The following MAN2A1 variants were observed in gnomAD, a reference collection of about 807,000 sequenced individuals.
MAN2A1 encodes the protein alpha-mannosidase 2.
MAN2A1 carries 76 observed loss-of-function variants against 142.6 expected under a neutral mutation model. That is an observed-to-expected ratio of 0.53 (90% confidence interval 0.44 to 0.65). The LOEUF (loss-of-function observed/expected upper bound fraction) is 0.65, where lower values mean the gene tolerates loss of function less well. MAN2A1 is among the 30% of genes least tolerant of loss of function. The pLI is 0.00. For synonymous variants in MAN2A1, 559 were observed against 473.2 expected (o/e 1.18, Z -2.35); for missense variants, 1,311 against 1,365.1 (o/e 0.96, Z 0.62).
intron 12 of MAN2A1, among the ~76,000 whole-genome samples, chr5:109,809,793 G>T (rs1754269113): frequency 6.6e-6 from 1 of 152,032 alleles, no homozygotes. Flanking sequence ...GAAATTCTCA[G>T]CTATTCAGGT....
intron 12 of MAN2A1, among the ~76,000 whole-genome samples, chr5:109,815,877 G>A (rs1015141530): frequency 3.3e-5 from 5 of 152,164 alleles, no homozygotes; most frequent in African/African-American, 1.2e-4. Context: ...TTACAAAATT[G>A]TATAGGAAAA....
intron 19 of MAN2A1, among the ~76,000 whole-genome samples, chr5:109,853,008 A>C (rs946398851): frequency 7.2e-5 from 11 of 152,166 alleles, no homozygotes; most frequent in African/African-American, 2.4e-4. Flanking sequence ...AGTGAACCAC[A>C]ACTCTTCTAT....
At chr5:109,815,138 C>G (rs1353102549) in intron 12 of MAN2A1, among the ~76,000 whole-genome samples, 1 of 152,096 alleles carries the variant, frequency 6.6e-6, no homozygotes, top group African/African-American at 2.4e-5. Flanking sequence ...CCCATTGCAC[C>G]TTAGAAATAT....
chr5:109,792,345 C>T (rs1411587170), intron 12 of MAN2A1, among the ~76,000 whole-genome samples: 1 of 151,976 alleles, frequency 6.6e-6, no homozygotes, highest in Non-Finnish European at 1.5e-5. Context: ...TGCATCTTCT[C>T]TTTTCCTGTT....
chr5:109,735,584 GT>G (rs1367949799), intron 4 of MAN2A1, among the ~76,000 whole-genome samples: 1 of 152,072 alleles, frequency 6.6e-6, no homozygotes, highest in Non-Finnish European at 1.5e-5. Flanking sequence ...GATGAACCCG[GT>G]ACCTCAGATG....
intron 16 of MAN2A1, among the ~76,000 whole-genome samples, chr5:109,833,342 G>C (rs549371685): frequency 1.2e-4 from 18 of 152,222 alleles, no homozygotes; most frequent in South Asian, 1.0e-3. Flanking sequence ...AGGTTGTAGC[G>C]AGCCGAGATC....
intron 1 of MAN2A1, among the ~76,000 whole-genome samples, chr5:109,702,968 C>T (rs1751031461): frequency 6.6e-6 from 1 of 152,092 alleles, no homozygotes; most frequent in Non-Finnish European, 1.5e-5. Flanking sequence ...TATAATAATT[C>T]AGATGAGACT....
intron 1 of MAN2A1, among the ~76,000 whole-genome samples, chr5:109,697,531 CT>C (rs535441317): frequency 1.4e-3 from 212 of 152,278 alleles, no homozygotes; most frequent in African/African-American, 5.0e-3. Flanking sequence ...TGCCACCTGT[CT>C]TTATAGGGCC....
intron 19 of MAN2A1, among the ~76,000 whole-genome samples, chr5:109,852,447 T>G (rs773059089): frequency 6.6e-6 from 1 of 152,204 alleles, no homozygotes; most frequent in Non-Finnish European, 1.5e-5. Flanking sequence ...TAAAAAATGG[T>G]CTCTTACTAT....
At position 109,699,800 on chromosome 5, in the gene MAN2A1, G is replaced by T. The variant is rs950921774; in HGVS notation, c.135+9248G>T. On this transcript the variant is annotated intron_variant, in intron 1 of 21. Transcript: ENST00000261483. ...CGAATCAACCCTGGCGATCAATGGG[G>T]TGACAGATTTCGCAGCCAGATCGCC... The T allele has an allele frequency of 5.7e-4, 89 of 157,424 alleles. 1 individual carries two copies. Among genetic ancestry groups the T allele is most frequent in the Non-Finnish European group, 2.8e-4 (19 of 68,118 alleles). The allele number at this position is 157,424 out of a possible 1,614,324, so 9.8% of individuals were successfully genotyped here.
chr5:109,806,840 C>T (rs565455786), intron 12 of MAN2A1, among the ~76,000 whole-genome samples: 1 of 152,252 alleles, frequency 6.6e-6, no homozygotes, highest in African/African-American at 2.4e-5. Context: ...TGAATCTTTT[C>T]CTTGGACAAA....
intron 4 of MAN2A1, among the ~76,000 whole-genome samples, chr5:109,742,193 T>C (rs1467238912): frequency 6.6e-6 from 1 of 152,232 alleles, no homozygotes; most frequent in Non-Finnish European, 1.5e-5. Context: ...TTGCATCTGC[T>C]CTTGCTATTG....
At position 109,714,612 on chromosome 5, in the gene MAN2A1, T is replaced by C. The variant is rs1266924561; in HGVS notation, c.390+838T>C. ...TTGGCTCTGCAAATTAGGGCAAGGC[T>C]GTGTTTAACCTTGTGCCTTAGACCA... On this transcript the variant is annotated intron_variant, in intron 2 of 21. Coordinates refer to ENST00000261483, the MANE Select transcript of MAN2A1 (RefSeq NM_002372.4). 2.6e-5 allele frequency among the ~76,000 whole-genome samples: 4 copies of C among 152,230 alleles called. No individual in the cohort carries two copies. The East Asian group carries it at 5.8e-4, about 22-fold the overall frequency.
At chr5:109,805,331 C>G (rs1461011278) in intron 12 of MAN2A1, among the ~76,000 whole-genome samples, 1 of 152,090 alleles carries the variant, frequency 6.6e-6, no homozygotes, top group Non-Finnish European at 1.5e-5. Flanking sequence ...ATTTTTCAAT[C>G]TTTTCTTTAC....
intron 20 of MAN2A1, chr5:109,864,745 A>G (rs957654309): frequency 2.0e-5 from 6 of 305,030 alleles, no homozygotes; most frequent in Admixed American, 4.6e-5. Context: ...ACAATATATA[A>G]TGTATGGACA....
chr5:109,820,419 C>T (rs1341438225), intron 15 of MAN2A1, 77 bp downstream of exon 15: 3 of 1,357,978 alleles, frequency 2.2e-6, no homozygotes, highest in Non-Finnish European at 3.0e-6. Context: ...AAGTGAGTGT[C>T]ATTATTTTAT....
chr5:109,764,863 G>C (rs1305530274), intron 5 of MAN2A1, among the ~76,000 whole-genome samples: 1 of 151,830 alleles, frequency 6.6e-6, no homozygotes, highest in Non-Finnish European at 1.5e-5. Context: ...ACTTAATTTT[G>C]ATATAATTTT....
At position 109,845,939 on chromosome 5, in the gene MAN2A1, C is replaced by T; in HGVS notation, c.2775C>T (p.Ile925=). The change falls in exon 18 of 22, where the codon ATC becomes ATT. Residue 925 remains isoleucine (I), a synonymous_variant. Coordinates refer to ENST00000261483, the MANE Select transcript of MAN2A1 (RefSeq NM_002372.4). ...ATCCCATGACCACAATGGCCTATAT[C>T]CAGGATGCCAAACATCGTTTGACAC... ...NVYPMTTMAY[I]QDAKHRLTLL... The T allele has an allele frequency of 6.2e-7, 1 of 1,613,758 alleles. No individual in the cohort carries two copies. The highest frequency in any genetic ancestry group is 8.5e-7 in the Non-Finnish European group (1 of 1,179,714).
chr5:109,810,005 T>C (rs754697093), intron 12 of MAN2A1, among the ~76,000 whole-genome samples: 3 of 152,180 alleles, frequency 2.0e-5, no homozygotes, highest in Non-Finnish European at 4.4e-5. Context: ...GTTAAAGATA[T>C]CTTTGGAGTT....
Sources: allele counts gnomAD v4.1 joint callset (sites outside exome capture counted in the v4.1 genomes callset), GRCh38; gene constraint gnomAD v4.1.1; transcripts MANE v1.5; gene names NCBI Gene and HGNC (gene_info 2026-07-23, HGNC 2026-07-21).